CELSR1: variants seen among roughly 807,000 people sequenced by gnomAD.
CELSR1 encodes the protein cadherin EGF LAG seven-pass G-type receptor 1, also known as adhesion G protein-coupled receptor C1.
CELSR1 carries 110 observed loss-of-function variants against 249.1 expected under a neutral mutation model. That is an observed-to-expected ratio of 0.44 (90% CI 0.38 to 0.52). The LOEUF is 0.52. Ranked by LOEUF, CELSR1 falls within the 20% of genes least tolerant of loss-of-function variation. The pLI is 0.00. For missense variants in CELSR1, 4,109 were observed against 4,296.4 expected (o/e 0.96, Z 1.22); for synonymous variants, 2,113 against 1,900.0 (o/e 1.11, Z -2.92).
chr22:46,535,924 T>C lies in CELSR1; in HGVS notation c.1247A>G (p.Asp416Gly). The C allele has an allele frequency of 6.2e-7, 1 of 1,609,452 alleles. No individual in the cohort carries two copies. The stretch of plus-strand genomic sequence containing the variant: ...CTGGTACTCGGCCGCCTCCTCCCGG[T>C]CCAGCACCGCCCGTGTGCTCACCAC... ...SGVVSTRAVL[D>G]REEAAEYQLL... The change falls in exon 1 of 35, where the codon GAC becomes GGC. Residue 416 changes from aspartate (D) to glycine (G), a missense_variant. Transcript: ENST00000674500.
chr22:46,380,541 G>C lies in CELSR1; in HGVS notation c.7256+247C>G, dbSNP rs898018282. 1.3e-5 allele frequency among the ~76,000 whole-genome samples: 2 copies of C among 152,216 alleles called. No individual in the cohort carries two copies. The highest frequency in any genetic ancestry group is 2.9e-5 in the Non-Finnish European group (2 of 68,036). On this transcript the variant is annotated intron_variant, in intron 22 of 34. Transcript: ENST00000674500. The surrounding 1 kb of genome is among the most constrained non-coding windows in gnomAD (Gnocchi z 5.1). ...GGTGTCAGCCTTGAGGGATCTCTCT[G>C]TGCGCCTGCACATCTGTATCTCCAC...
chr22:46,367,687 C>T (rs376504588), intron 28 of CELSR1, 42 bp downstream of exon 28: 27 of 1,565,768 alleles, frequency 1.7e-5, no homozygotes, highest in Middle Eastern at 3.5e-4. Flanking sequence ...GGTGTCACGG[C>T]GGCCAGGCAG....
At chr22:46,394,011 G>A in intron 14 of CELSR1, 131 bp downstream of exon 14, 3 of 1,164,130 alleles carry the variant, frequency 2.6e-6, no homozygotes, top group South Asian at 1.6e-5. Context: ...TGATGTGAGT[G>A]GGCACAGGTG....
In CELSR1 at chr22:46,363,299, G is replaced by T; in HGVS notation, c.9036-52C>A. 6.6e-7 allele frequency: 1 copy of T among 1,510,562 alleles called. No homozygotes were observed. The highest frequency in any genetic ancestry group is 9.1e-7 in the Non-Finnish European group (1 of 1,093,310). 93.6% of individuals were successfully genotyped at this position (1,510,562 alleles called of 1,614,324 possible). ...AGGTGAAGGGTCAGTGAGGGTAGCG[G>T]CTTGGTGGGGCCCAAGGTTGTCACA... is the stretch of plus-strand genomic sequence containing the variant. On this transcript the variant is annotated intron_variant, in intron 34 of 34. Coordinates refer to ENST00000674500, the MANE Select transcript of CELSR1 (RefSeq NM_001378328.1). This position sits in a 1 kb window ranked among gnomAD's most constrained non-coding sequence, Gnocchi z 4.3.
In CELSR1 at chr22:46,409,727, G is replaced by C. The variant is rs758241991; in HGVS notation, c.5059+28C>G. 16 of 1,609,252 alleles carry C rather than the reference G, an allele frequency of 9.9e-6. 1 individual carries two copies. The highest frequency in any genetic ancestry group is 4.0e-5 in the African/African-American group (3 of 74,898). ...CAATGCCTCCCAGGCCGCCGTGACC[G>C]GGGGGATGGACGACGCCGGCCACTC... On this transcript the variant is annotated intron_variant, in intron 8 of 34. Transcript: ENST00000674500. This position sits in a 1 kb window ranked among gnomAD's most constrained non-coding sequence, Gnocchi z 9.8.
In CELSR1 at chr22:46,454,869, CCAGA is replaced by C. The variant is rs1352044791; in HGVS notation, c.4183+8834_4183+8837del. 6.6e-6 allele frequency among the ~76,000 whole-genome samples: 1 copy of C among 152,222 alleles called. No homozygotes were observed. Among genetic ancestry groups the C allele is most frequent in the Admixed American group, 6.5e-5 (1 of 15,290 alleles). On this transcript the variant is annotated intron_variant, in intron 2 of 34. Coordinates refer to ENST00000674500, the MANE Select transcript of CELSR1 (RefSeq NM_001378328.1). The surrounding 1 kb of genome is among the most constrained non-coding windows in gnomAD (Gnocchi z 5.1). ...GAGCACCCACGGCTGAATTGTGTCC[CCAGA>C]AAGATACGCTCAGTTACGAACTCCC...
chr22:46,436,410 G>A lies in CELSR1; in HGVS notation c.4407-121C>T. 1.5e-6 allele frequency: 1 copy of A among 658,326 alleles called. No individual in the cohort carries two copies. The highest frequency in any genetic ancestry group is 2.7e-5 in the East Asian group (1 of 36,392). 40.8% of individuals were successfully genotyped at this position (658,326 alleles called of 1,614,324 possible). On this transcript the variant is annotated intron_variant, in intron 3 of 34. Coordinates refer to ENST00000674500, the MANE Select transcript of CELSR1 (RefSeq NM_001378328.1). This position sits in a 1 kb window ranked among gnomAD's most constrained non-coding sequence, Gnocchi z 5.9. The stretch of plus-strand genomic sequence containing the variant: ...TGGGGCTACGATTCAGGAAAGAATG[G>A]TGTCAGGCATGCGTCCTTCTCATAG...
At chr22:46,365,200 C>T in intron 32 of CELSR1, 31 bp downstream of exon 32, 3 of 1,603,590 alleles carry the variant, frequency 1.9e-6, no homozygotes, top group Non-Finnish European at 2.5e-6. Flanking sequence ...GTCCACAGCC[C>T]AGCCTGGCCC....
At chr22:46,459,109 C>A (rs1267535388) in intron 2 of CELSR1, among the ~76,000 whole-genome samples, 5 of 152,156 alleles carry the variant, frequency 3.3e-5, no homozygotes. Flanking sequence ...AGGATGGTCT[C>A]AATCTCCTGA....
At chr22:46,420,392 CCA>C (rs148585333) in intron 5 of CELSR1, among the ~76,000 whole-genome samples, 75 of 151,940 alleles carry the variant, frequency 4.9e-4, no homozygotes, top group African/African-American at 1.7e-3. Flanking sequence ...GTGCACTCAC[CCA>C]CACATTTACA....
intron 2 of CELSR1, among the ~76,000 whole-genome samples, chr22:46,450,548 AGTTACTTGT>A (rs2079871668): frequency 6.6e-6 from 1 of 152,232 alleles, no homozygotes; most frequent in Non-Finnish European, 1.5e-5. Context: ...CAGAGAGGGC[AGTTACTTGT>A]GCTGGGTCAC....
rs776382004 is a variant in CELSR1, at chr22:46,535,108, G to A, written c.2063C>T (p.Thr688Met). Reference protein sequence around the residue: ...LDVNDNDPVFTQPTYELRLNE... With the variant: ...LDVNDNDPVFMQPTYELRLNE... ...CAGACGAAGCTCGTAGGTGGGCTGC[G>A]TGAACACCGGGTCGTTGTCATTCAC... Residue 688 changes from threonine to methionine, a missense_variant, in exon 1 of 35, where the codon ACG becomes ATG. Thr to Met is a moderately conservative substitution (Grantham distance 81). Around this residue, in one of 7 missense-constraint regions of CELSR1, gnomAD observed 886 missense variants for 896.5 expected, o/e 0.99. Coordinates refer to ENST00000674500, the MANE Select transcript of CELSR1 (RefSeq NM_001378328.1). 4 of 1,611,738 alleles carry A rather than the reference G, an allele frequency of 2.5e-6. No homozygotes were observed. The highest frequency in any genetic ancestry group is 1.7e-4 in the Middle Eastern group (1 of 6,058).
At position 46,381,048 on chromosome 22, in the gene CELSR1, G is replaced by T; in HGVS notation, c.7089-93C>A. 1 of 1,313,250 alleles carries T rather than the reference G, an allele frequency of 7.6e-7. No individual in the cohort carries two copies. 81.3% of individuals were successfully genotyped at this position (1,313,250 alleles called of 1,614,324 possible). A position where few individuals can be genotyped will look rare whatever the true frequency, so the allele number is the denominator to read the frequency against. ...AAATGCCCTGAGGACACGCCATGAT[G>T]TGTTTCTAGGGGAGACAGAATCACA... On this transcript the variant is annotated intron_variant, in intron 21 of 34. Transcript: ENST00000674500. This position sits in a 1 kb window ranked among gnomAD's most constrained non-coding sequence, Gnocchi z 6.0.
intron 5 of CELSR1, among the ~76,000 whole-genome samples, chr22:46,416,108 G>GGC (rs1555913215): frequency 7.8e-6 from 1 of 127,570 alleles, no homozygotes; most frequent in Non-Finnish European, 1.8e-5. Context: ...GTTGCAGAGG[G>GGC]GGGCGGATAA....
chr22:46,364,795 G>C (rs1347414954), intron 32 of CELSR1, 59 bp from the exon 33 acceptor site: 1 of 1,514,684 alleles, frequency 6.6e-7, no homozygotes, highest in East Asian at 2.3e-5. Flanking sequence ...CTGCTCCCTT[G>C]AGAGCCATGG....
chr22:46,535,299 G>C lies in CELSR1; in HGVS notation c.1872C>G (p.Pro624=), dbSNP rs750486550. Reference sequence around the variant, plus strand: ...GGATCTGGAAGGGGAAGTCAGGGGTGGGGGCAGGATTCTTAGGCCCAGCGC... The same window carrying C: ...GGATCTGGAAGGGGAAGTCAGGGGTCGGGGCAGGATTCTTAGGCCCAGCGC... The part of the protein sequence containing the change: ...GGSAGPKNPA[P]TPDFPFQIHN... The change falls in exon 1 of 35, where the codon CCC becomes CCG. Residue 624 remains proline, a synonymous_variant. Coordinates refer to ENST00000674500, the MANE Select transcript of CELSR1 (RefSeq NM_001378328.1). The C allele has an allele frequency of 1.2e-6, 2 of 1,611,462 alleles. No homozygotes were observed. Among genetic ancestry groups the C allele is most frequent in the Admixed American group, 1.7e-5 (1 of 60,020 alleles).
At chr22:46,482,577 G>A (rs949757224) in intron 1 of CELSR1, among the ~76,000 whole-genome samples, 13 of 152,082 alleles carry the variant, frequency 8.5e-5, no homozygotes, top group Admixed American at 1.3e-4. Flanking sequence ...TGGCAGAGTG[G>A]GATTGCATAT....
intron 1 of CELSR1, among the ~76,000 whole-genome samples, chr22:46,532,266 G>T (rs2080799432): frequency 6.6e-6 from 1 of 152,216 alleles, no homozygotes; most frequent in Non-Finnish European, 1.5e-5. Context: ...TGGTATAGAA[G>T]AAAAACTTCC....
intron 18 of CELSR1, 83 bp from the exon 19 acceptor site, chr22:46,386,668 G>T: frequency 2.5e-6 from 3 of 1,189,650 alleles, no homozygotes; most frequent in Non-Finnish European, 3.4e-6. Flanking sequence ...GAAAGCCTTT[G>T]CTTGCCTAGT....
Sources: allele counts gnomAD v4.1 joint callset (sites outside exome capture counted in the v4.1 genomes callset), GRCh38; gene constraint gnomAD v4.1.1; regional missense constraint gnomAD v4.1.1; non-coding constraint Gnocchi (gnomAD v3.1); transcripts MANE v1.5; gene names NCBI Gene and HGNC (gene_info 2026-07-23, HGNC 2026-07-21).